Variants in MEF2C observed in about 807,000 individuals in gnomAD.
The protein encoded by MEF2C is myocyte enhancer factor 2C, also known as myocyte-specific enhancer factor 2C.
A neutral mutation model predicts 50.5 loss-of-function variants in MEF2C; 6 were observed. The ratio of observed to expected loss-of-function variants is 0.12; its 90% confidence interval spans 0.07 to 0.23. The LOEUF (loss-of-function observed/expected upper bound fraction) is 0.23. MEF2C is among the 10% of genes least tolerant of loss of function. MEF2C has a pLI of 1.00. For synonymous variants in MEF2C, 183 were observed against 228.0 expected, an observed-to-expected ratio of 0.80 and a Z score of 1.78; for missense variants, 276 against 605.0, an observed-to-expected ratio of 0.46 and a Z score of 5.70.
intron 6 of MEF2C, chr5:88,737,359 G>A (rs1422124265): frequency 1.7e-5 from 17 of 985,184 alleles, no homozygotes; most frequent in East Asian, 1.1e-4. Flanking sequence ...TAATTAAAGC[G>A]TCTTTTCTAC....
intron 3 of MEF2C, chr5:88,780,662 C>A (rs988344416): frequency 1.8e-5 from 13 of 730,574 alleles, no homozygotes; most frequent in Non-Finnish European, 1.8e-5. Flanking sequence ...AGAAGCAATG[C>A]ACAACATATA....
At chr5:88,741,427 A>G (rs1238036226) in intron 6 of MEF2C, 4 of 985,274 alleles carry the variant, frequency 4.1e-6, no homozygotes, top group East Asian at 2.3e-4. Context: ...AATAATTTGT[A>G]TATCACATAC....
chr5:88,745,670 C>G (rs753843701), intron 6 of MEF2C, among the ~76,000 whole-genome samples: 1 of 152,078 alleles, frequency 6.6e-6, no homozygotes, highest in Non-Finnish European at 1.5e-5. Flanking sequence ...AAAAAATTAG[C>G]CAGGCATGGT....
chr5:88,748,809 T>C lies in MEF2C; in HGVS notation c.637+261A>G, dbSNP rs996360621. ...TCCAAGGATGGTATCCAGGATTAAG[T>C]TGATTGGATCAGAGCCCTTAATTCT... On this transcript the variant is annotated intron_variant, in intron 6 of 10. Transcript: ENST00000504921. 6.1e-6 allele frequency: 6 copies of C among 985,338 alleles called. No individual in the cohort carries two copies. The South Asian group carries it at 1.4e-4, about 23-fold the overall frequency. 61.0% of individuals were successfully genotyped at this position (985,338 alleles called of 1,614,324 possible). A position where few individuals can be genotyped will look rare whatever the true frequency, so the allele number is the denominator to read the frequency against.
chr5:88,767,356 A>G (rs755462091), intron 3 of MEF2C, among the ~76,000 whole-genome samples: 1 of 152,184 alleles, frequency 6.6e-6, no homozygotes, highest in African/African-American at 2.4e-5. Context: ...AGCATTGTCT[A>G]TACTATCTCT....
chr5:88,876,219 T>C (rs905834414), intron 1 of MEF2C, among the ~76,000 whole-genome samples: 23 of 152,002 alleles, frequency 1.5e-4, no homozygotes, highest in Non-Finnish European at 1.9e-4. Context: ...ATAAAAAATG[T>C]GGCAAAAATT....
chr5:88,751,478 G>A, intron 5 of MEF2C: 1 of 985,376 alleles, frequency 1.0e-6, no homozygotes, highest in Non-Finnish European at 1.2e-6. Context: ...CAGAACACAG[G>A]GGAAGGTTTC....
chr5:88,782,166 T>G, intron 3 of MEF2C: 3 of 981,502 alleles, frequency 3.1e-6, no homozygotes, highest in African/African-American at 1.7e-5. Context: ...GAAGCTTATA[T>G]AGTTTAAAAT....
At position 88,825,265 on chromosome 5, in the gene MEF2C, AT is replaced by A. The variant is rs34835022; in HGVS notation, c.-142-1336del. Among the ~76,000 whole-genome samples the A allele has an allele frequency of 9.6e-3, 1,365 of 142,060 alleles. 2 individuals are homozygous for A. Among genetic ancestry groups the A allele is most frequent in the Middle Eastern group, 0.026 (7 of 274 alleles). The allele number at this position is 142,060 out of a possible 152,430, so 93.2% of individuals were successfully genotyped here. ...TTCCAAATTCTTTATCACCTTGGGTATTTTTTTTTTTTTTAGTTTTTGGTGA... is the reference window on the plus strand; with the variant it reads ...TTCCAAATTCTTTATCACCTTGGGTATTTTTTTTTTTTTAGTTTTTGGTGA... On this transcript the variant is annotated intron_variant, in intron 1 of 10. Transcript: ENST00000504921.
At chr5:88,864,798 G>C (rs996204187) in intron 1 of MEF2C, among the ~76,000 whole-genome samples, 3 of 146,852 alleles carry the variant, frequency 2.0e-5, no homozygotes, top group Admixed American at 6.9e-5. Flanking sequence ...ATGGAGTTTC[G>C]CTCTGTCGCC....
chr5:88,729,353 A>G lies in MEF2C; in HGVS notation c.835-6T>C. The G allele has an allele frequency of 6.3e-7, 1 of 1,584,800 alleles. No homozygotes were observed. Among genetic ancestry groups the G allele is most frequent in the Non-Finnish European group, 8.6e-7 (1 of 1,164,274 alleles). On this transcript the variant is annotated splice_region_variant and splice_polypyrimidine_tract_variant and intron_variant, in intron 8 of 10. Transcript: ENST00000504921. Reference sequence around the variant, plus strand: ...GAGTTATTTATCCTTTGATTCTTTTAAAATAAATAAAAAGACATTACTGAT... The same window carrying G: ...GAGTTATTTATCCTTTGATTCTTTTGAAATAAATAAAAAGACATTACTGAT...
At chr5:88,729,101 C>T in intron 9 of MEF2C, 117 bp downstream of exon 9, 1 of 1,123,586 alleles carries the variant, frequency 8.9e-7, no homozygotes, top group Non-Finnish European at 1.3e-6. Context: ...TGCTGCAGTG[C>T]TGTGGACGGC....
chr5:88,891,429 G>T (rs901099326), intron 1 of MEF2C, among the ~76,000 whole-genome samples: 1 of 119,310 alleles, frequency 8.4e-6, no homozygotes, highest in African/African-American at 3.5e-5. Context: ...ACGCAGTCTC[G>T]CTCTGTCGCC....
intron 1 of MEF2C, among the ~76,000 whole-genome samples, chr5:88,856,729 T>C (rs575955740): frequency 2.6e-5 from 4 of 152,366 alleles, no homozygotes; most frequent in African/African-American, 9.6e-5. Flanking sequence ...CACGTGGTGT[T>C]GGGCCTATGG....
chr5:88,779,086 G>A (rs541832890), intron 3 of MEF2C, among the ~76,000 whole-genome samples: 1 of 152,180 alleles, frequency 6.6e-6, no homozygotes, highest in African/African-American at 2.4e-5. Flanking sequence ...ACTTTTAAAA[G>A]AAGTTTACAA....
intron 1 of MEF2C, among the ~76,000 whole-genome samples, chr5:88,896,002 T>C (rs997143048): frequency 6.6e-6 from 1 of 152,088 alleles, no homozygotes; most frequent in Non-Finnish European, 1.5e-5. Context: ...CAGGTGGTGT[T>C]TTAGGGAGCA....
upstream of MEF2C, chr5:88,883,262 G>GC (rs1833532400): frequency 6.6e-6 from 1 of 151,226 alleles, no homozygotes; most frequent in Non-Finnish European, 1.5e-5. Context: ...GAGGGGGGGG[G>GC]CGCGGGGCCG....
intron 1 of MEF2C, among the ~76,000 whole-genome samples, chr5:88,826,153 G>A (rs1022017945): frequency 6.6e-6 from 1 of 151,836 alleles, no homozygotes; most frequent in Non-Finnish European, 1.5e-5. Flanking sequence ...TTTAAAAAGA[G>A]CAGAGCAAGG....
intron 6 of MEF2C, 107 bp from the exon 7 acceptor site, chr5:88,732,008 C>T (rs1464898246): frequency 2.0e-6 from 2 of 1,001,420 alleles, no homozygotes; most frequent in Non-Finnish European, 2.9e-6. Flanking sequence ...GTAAGACGTA[C>T]ATTGCAAAAC....
Sources: gnomAD v4.1 joint callset for allele counts (sites outside exome capture counted in the v4.1 genomes callset) on GRCh38, gnomAD v4.1.1 for gene constraint, MANE v1.5 for transcripts, NCBI Gene and HGNC (gene_info 2026-07-23, HGNC 2026-07-21) for gene names.